The following ZNF804B variants were observed in gnomAD, a reference collection of about 807,000 sequenced individuals.
The protein encoded by ZNF804B is zinc finger 804B.
In ZNF804B, 80 loss-of-function variants were observed where a neutral mutation model predicts 101.4. The observed-to-expected ratio is 0.79, with a 90% CI of 0.66 to 0.95. The LOEUF (loss-of-function observed/expected upper bound fraction) is 0.95. Among genes scored for constraint, ZNF804B ranks in the 40% least tolerant of loss-of-function variants. ZNF804B has a pLI of 0.00. For synonymous variants in ZNF804B, 622 were observed against 558.8 expected, an observed-to-expected ratio of 1.11 and a Z score of -1.59; for missense variants, 1,673 against 1,561.9, an observed-to-expected ratio of 1.07 and a Z score of -1.20.
At chr7:88,915,468 G>A (rs931603206) in intron 1 of ZNF804B, among the ~76,000 whole-genome samples, 1 of 152,034 alleles carries the variant, frequency 6.6e-6, no homozygotes, top group Admixed American at 6.5e-5. Context: ...AAATTAAATA[G>A]ATGAACTTAA....
At chr7:89,115,816 A>T (rs1790302087) in intron 1 of ZNF804B, among the ~76,000 whole-genome samples, 1 of 152,170 alleles carries the variant, frequency 6.6e-6, no homozygotes, top group Non-Finnish European at 1.5e-5. Context: ...TTCTGAAGGG[A>T]GAATCAAGAT....
intron 1 of ZNF804B, among the ~76,000 whole-genome samples, chr7:88,886,595 A>C (rs1285344573): frequency 6.6e-6 from 1 of 151,906 alleles, no homozygotes; most frequent in Non-Finnish European, 1.5e-5. Flanking sequence ...GCATTATTTT[A>C]TTGCACACAA....
At chr7:89,070,396 G>A (rs1242412436) in intron 1 of ZNF804B, among the ~76,000 whole-genome samples, 1 of 152,064 alleles carries the variant, frequency 6.6e-6, no homozygotes, top group Non-Finnish European at 1.5e-5. Context: ...AGACCTGGAG[G>A]TGCCCCCAGG....
intron 1 of ZNF804B, among the ~76,000 whole-genome samples, chr7:88,853,463 C>T (rs17164777): frequency 0.023 from 3,429 of 152,076 alleles, 139 homozygotes; most frequent in African/African-American, 0.077. Context: ...GAATGTATTC[C>T]GGGAAATGTA....
At chr7:89,009,279 ATT>A (rs1788416814) in intron 1 of ZNF804B, among the ~76,000 whole-genome samples, 1 of 151,928 alleles carries the variant, frequency 6.6e-6, no homozygotes, top group Non-Finnish European at 1.5e-5. Flanking sequence ...TTTATTCTTG[ATT>A]TCTAATCATT....
intron 1 of ZNF804B, among the ~76,000 whole-genome samples, chr7:88,766,321 TA>T (rs758670965): frequency 1.3e-5 from 2 of 152,028 alleles, no homozygotes; most frequent in Non-Finnish European, 1.5e-5. Flanking sequence ...CAAAAATAAA[TA>T]AATAAAACAT....
intron 1 of ZNF804B, among the ~76,000 whole-genome samples, chr7:88,877,050 T>TATATATATATA (rs1491216741): frequency 5.0e-5 from 1 of 20,200 alleles, no homozygotes. Context: ...TATATATATA[T>TATATATATATA]TTTTTTTTTT....
chr7:89,303,082 C>T (rs1160629601), intron 2 of ZNF804B, among the ~76,000 whole-genome samples: 2 of 151,840 alleles, frequency 1.3e-5, no homozygotes, highest in African/African-American at 4.8e-5. Flanking sequence ...ACTGGCTTTA[C>T]ATATGAGTGT....
intron 1 of ZNF804B, among the ~76,000 whole-genome samples, chr7:89,017,286 G>C (rs1788583824): frequency 6.6e-6 from 1 of 152,114 alleles, no homozygotes; most frequent in Admixed American, 6.6e-5. Flanking sequence ...CTGCAAACAG[G>C]GACAATTTGA....
intron 1 of ZNF804B, among the ~76,000 whole-genome samples, chr7:89,176,023 C>T (rs59868815): frequency 0.21 from 31,178 of 151,786 alleles, 3,412 homozygotes; most frequent in Non-Finnish European, 0.23. Flanking sequence ...AATTTGACTT[C>T]CTATCAAGTT....
intron 1 of ZNF804B, among the ~76,000 whole-genome samples, chr7:88,854,219 G>A (rs1272896541): frequency 6.6e-6 from 1 of 151,974 alleles, no homozygotes; most frequent in Non-Finnish European, 1.5e-5. Flanking sequence ...TAAATAACTC[G>A]ATGATGAATT....
chr7:88,879,686 C>A (rs1464574254), intron 1 of ZNF804B, among the ~76,000 whole-genome samples: 3 of 151,978 alleles, frequency 2.0e-5, no homozygotes, highest in South Asian at 2.1e-4. Context: ...TGGACCGCAC[C>A]CTGTGGAAAT....
At chr7:89,212,141 A>G (rs995877569) in intron 1 of ZNF804B, among the ~76,000 whole-genome samples, 14 of 151,952 alleles carry the variant, frequency 9.2e-5, no homozygotes, top group African/African-American at 3.4e-4. Context: ...ACTAAAGGTG[A>G]TAAAAATTCC....
chr7:89,109,989 GA>G (rs113627384), intron 1 of ZNF804B, among the ~76,000 whole-genome samples: 1 of 151,680 alleles, frequency 6.6e-6, no homozygotes, highest in Non-Finnish European at 1.5e-5. Flanking sequence ...GCAGTTGAGG[GA>G]AAAAAAAGAC....
intron 1 of ZNF804B, among the ~76,000 whole-genome samples, chr7:89,024,500 T>C (rs1788716713): frequency 6.6e-6 from 1 of 151,880 alleles, no homozygotes; most frequent in African/African-American, 2.4e-5. Flanking sequence ...GTCTGGACAA[T>C]CATTATATTA....
intron 1 of ZNF804B, among the ~76,000 whole-genome samples, chr7:88,934,731 A>T (rs1288516255): frequency 6.6e-6 from 1 of 151,918 alleles, no homozygotes; most frequent in Non-Finnish European, 1.5e-5. Context: ...ATTAAAAAGT[A>T]AAAAACCGAT....
intron 1 of ZNF804B, among the ~76,000 whole-genome samples, chr7:88,895,045 A>T (rs1792266577): frequency 6.6e-6 from 1 of 152,226 alleles, no homozygotes. Flanking sequence ...AACTATTAAA[A>T]TGTATAAAAC....
chr7:89,253,778 C>T (rs199844566), intron 2 of ZNF804B, among the ~76,000 whole-genome samples: 4 of 151,870 alleles, frequency 2.6e-5, no homozygotes, highest in East Asian at 3.9e-4. Context: ...ATAGTAAATA[C>T]GTTATTTGCA....
intron 1 of ZNF804B, among the ~76,000 whole-genome samples, chr7:88,823,046 A>C (rs1791005238): frequency 1.3e-5 from 2 of 151,786 alleles, no homozygotes; most frequent in Admixed American, 1.3e-4. Context: ...CCATCTCTAC[A>C]AAAAAATACA....
Sources: allele counts gnomAD v4.1 joint callset (sites outside exome capture counted in the v4.1 genomes callset), GRCh38; gene constraint gnomAD v4.1.1; transcripts MANE v1.5; gene names NCBI Gene and HGNC (gene_info 2026-07-23, HGNC 2026-07-21).